Variants in PTPRT observed in about 807,000 individuals in gnomAD.
PTPRT encodes the protein protein tyrosine phosphatase receptor type T.
Under a neutral mutation model 176.8 loss-of-function variants are expected in PTPRT, and 56 were observed. The ratio of observed to expected loss-of-function variants is 0.32; its 90% CI spans 0.26 to 0.40. The LOEUF is 0.40. PTPRT is among the 10% of genes least tolerant of loss of function. PTPRT has a pLI of 1.00. For missense variants in PTPRT, 1,540 were observed against 1,908.2 expected, an observed-to-expected ratio of 0.81 and a Z score of 3.60; for synonymous variants, 783 against 739.0, an observed-to-expected ratio of 1.06 and a Z score of -0.96.
Position 42,146,432 on chromosome 20 carries a change from T to C in PTPRT, c.2683-4430A>G, listed in dbSNP as rs1988869765. Among the ~76,000 whole-genome samples, 3 of 152,228 alleles carry C rather than the reference T, an allele frequency of 2.0e-5. No individual in the cohort carries two copies. In the South Asian group the frequency reaches 6.2e-4, roughly 32 times the overall value. On this transcript the variant is annotated intron_variant, in intron 17 of 30. Coordinates refer to ENST00000373187, the MANE Select transcript of PTPRT (RefSeq NM_007050.6). ...TGAGTACTTGCCATGTGCCAGGGTT[T>C]GGGTTACCATTAGCTTAAGGTCTCT...
At chr20:42,270,627 T>A (rs780636795) in intron 13 of PTPRT, among the ~76,000 whole-genome samples, 2 of 151,802 alleles carry the variant, frequency 1.3e-5, no homozygotes, top group Non-Finnish European at 2.9e-5. Flanking sequence ...GAAATAGATT[T>A]AAAAAAAATG....
chr20:42,474,319 T>G (rs977220498), intron 7 of PTPRT, among the ~76,000 whole-genome samples: 1 of 152,174 alleles, frequency 6.6e-6, no homozygotes, highest in Admixed American at 6.5e-5. Flanking sequence ...TTGGTGCTAG[T>G]TGATCTGTCC....
chr20:42,747,465 T>G (rs893416533), intron 6 of PTPRT, among the ~76,000 whole-genome samples: 5 of 152,006 alleles, frequency 3.3e-5, no homozygotes, highest in Admixed American at 3.3e-4. Flanking sequence ...CAATGTCAGA[T>G]AGTGACAAGA....
chr20:42,198,329 A>G (rs1309752311), intron 16 of PTPRT, among the ~76,000 whole-genome samples: 1 of 152,186 alleles, frequency 6.6e-6, no homozygotes, highest in African/African-American at 2.4e-5. Flanking sequence ...TTCTTTCTTT[A>G]TCCTCTCATA....
At chr20:43,058,104 A>G (rs1284516521) in intron 1 of PTPRT, among the ~76,000 whole-genome samples, 1 of 152,226 alleles carries the variant, frequency 6.6e-6, no homozygotes, top group East Asian at 1.9e-4. Context: ...GAAGCAGGAC[A>G]GGTACAAAAA....
chr20:42,469,034 A>G (rs1024926487), intron 8 of PTPRT, among the ~76,000 whole-genome samples: 1 of 152,038 alleles, frequency 6.6e-6, no homozygotes, highest in Non-Finnish European at 1.5e-5. Flanking sequence ...GGAGCTGGGA[A>G]GTTTCTCAAC....
chr20:42,226,815 G>C (rs1289082002), intron 15 of PTPRT, among the ~76,000 whole-genome samples: 1 of 152,084 alleles, frequency 6.6e-6, no homozygotes, highest in Non-Finnish European at 1.5e-5. Flanking sequence ...TCTTCTCTGT[G>C]ATACATCTTC....
chr20:42,835,431 T>C (rs1451421134), intron 2 of PTPRT, among the ~76,000 whole-genome samples: 1 of 152,090 alleles, frequency 6.6e-6, no homozygotes, highest in Non-Finnish European at 1.5e-5. Context: ...ACTCAGTAGA[T>C]AGATGATATC....
intron 1 of PTPRT, among the ~76,000 whole-genome samples, chr20:43,100,567 AGCCCTAG>A (rs150929049): frequency 6.6e-6 from 1 of 152,348 alleles, no homozygotes; most frequent in East Asian, 1.9e-4. Flanking sequence ...GATTCCCCCA[AGCCCTAG>A]GGCTGTATCC....
chr20:42,919,056 G>A (rs1260385278), intron 1 of PTPRT, among the ~76,000 whole-genome samples: 2 of 152,174 alleles, frequency 1.3e-5, no homozygotes, highest in Non-Finnish European at 2.9e-5. Context: ...AGGAGGCAAA[G>A]CAGGCAAATG....
intron 1 of PTPRT, among the ~76,000 whole-genome samples, chr20:43,131,536 A>C (rs2013647609): frequency 6.6e-6 from 1 of 152,246 alleles, no homozygotes. Context: ...TTTGTTTTTA[A>C]AAAGTTACTT....
chr20:42,832,861 C>T (rs1273109840), intron 2 of PTPRT, among the ~76,000 whole-genome samples: 1 of 146,604 alleles, frequency 6.8e-6, no homozygotes, highest in Non-Finnish European at 1.5e-5. Context: ...CTCAGTACTT[C>T]GGGAGACAGA....
At chr20:42,784,766 C>G (rs1235338370) in intron 3 of PTPRT, among the ~76,000 whole-genome samples, 1 of 152,042 alleles carries the variant, frequency 6.6e-6, no homozygotes, top group African/African-American at 2.4e-5. Context: ...TTTTCCTAGG[C>G]AGGTGATGGA....
intron 7 of PTPRT, among the ~76,000 whole-genome samples, chr20:42,605,930 G>A (rs1200353672): frequency 1.3e-5 from 2 of 152,212 alleles, no homozygotes; most frequent in Non-Finnish European, 2.9e-5. Flanking sequence ...ATGTGGCCAC[G>A]ATCCTTCATG....
chr20:42,868,324 A>C (rs935970768), intron 2 of PTPRT, among the ~76,000 whole-genome samples: 1 of 152,200 alleles, frequency 6.6e-6, no homozygotes, highest in Non-Finnish European at 1.5e-5. Flanking sequence ...GAAACAAGAA[A>C]TAAGATATTG....
intron 2 of PTPRT, among the ~76,000 whole-genome samples, chr20:42,810,807 C>G (rs1569169280): frequency 6.6e-6 from 1 of 152,198 alleles, no homozygotes; most frequent in Non-Finnish European, 1.5e-5. Flanking sequence ...ATTACTTCCA[C>G]CATAGAAGTC....
intron 7 of PTPRT, among the ~76,000 whole-genome samples, chr20:42,669,067 G>C (rs1036629445): frequency 1.3e-5 from 2 of 151,896 alleles, no homozygotes; most frequent in African/African-American, 4.8e-5. Context: ...GATCAGAGCA[G>C]GTTTTCTCCC....
In PTPRT at chr20:42,082,116, G is replaced by T; in HGVS notation, c.4137-99C>A. ...AGTAGGAGTAGGGATCAGCTGTCTG[G>T]GCAGATGCAAGGCAAGGCAATGGTG... On this transcript the variant is annotated intron_variant, in intron 29 of 30. Transcript: ENST00000373187. The T allele has an allele frequency of 1.9e-6, 3 of 1,546,768 alleles. No individual in the cohort carries two copies. In the South Asian group the frequency reaches 3.5e-5, roughly 18 times the overall value.
intron 7 of PTPRT, among the ~76,000 whole-genome samples, chr20:42,536,167 C>T (rs1275606349): frequency 2.6e-5 from 4 of 152,086 alleles, no homozygotes; most frequent in Non-Finnish European, 5.9e-5. Context: ...TCTGTTTTAA[C>T]CATTTCATAA....
Sources: gnomAD v4.1 joint callset for allele counts (sites outside exome capture counted in the v4.1 genomes callset) on GRCh38, gnomAD v4.1.1 for gene constraint, MANE v1.5 for transcripts, NCBI Gene and HGNC (gene_info 2026-07-23, HGNC 2026-07-21) for gene names.